CSMD1: variants seen among roughly 807,000 people sequenced by gnomAD.
CSMD1 encodes CUB and sushi domain-containing protein 1.
A neutral mutation model predicts 417.5 loss-of-function variants in CSMD1; 213 were observed. That is an observed-to-expected ratio of 0.51 (90% CI 0.46 to 0.57). The LOEUF (loss-of-function observed/expected upper bound fraction) is 0.57, where lower values mean the gene tolerates loss of function less well. CSMD1 is among the 20% of genes least tolerant of loss of function. The pLI is 0.00. For missense variants in CSMD1, 6,923 were observed against 4,529.7 expected (o/e 1.53, Z -15.17); for synonymous variants, 2,862 against 1,736.8 (o/e 1.65, Z -16.11).
chr8:4,095,454 G>A (rs965227098), intron 3 of CSMD1, among the ~76,000 whole-genome samples: 1 of 152,074 alleles, frequency 6.6e-6, no homozygotes, highest in African/African-American at 2.4e-5. Context: ...CTTGCAATTT[G>A]AGCATTTTGT....
chr8:3,382,021 G>A (rs1290623127), intron 18 of CSMD1, among the ~76,000 whole-genome samples: 1 of 152,108 alleles, frequency 6.6e-6, no homozygotes, highest in Non-Finnish European at 1.5e-5. Flanking sequence ...ACTTTGGGAG[G>A]CCGAGGCAGG....
intron 10 of CSMD1, among the ~76,000 whole-genome samples, chr8:3,548,018 T>A (rs890337162): frequency 1.3e-5 from 2 of 152,186 alleles, no homozygotes; most frequent in Non-Finnish European, 2.9e-5. Flanking sequence ...AATGAGTTTA[T>A]AAACTTCCTG....
At chr8:4,883,111 T>G (rs1444052662) in intron 1 of CSMD1, among the ~76,000 whole-genome samples, 1 of 152,056 alleles carries the variant, frequency 6.6e-6, no homozygotes, top group East Asian at 1.9e-4. Flanking sequence ...GATTTTATAG[T>G]AAGGTGGAAA....
chr8:3,690,883 T>A (rs1800199084), intron 7 of CSMD1, among the ~76,000 whole-genome samples: 1 of 152,212 alleles, frequency 6.6e-6, no homozygotes, highest in Admixed American at 6.5e-5. Flanking sequence ...TTTCATTTAA[T>A]GTATAAATAA....
chr8:3,961,972 G>A (rs1256660171), intron 5 of CSMD1, among the ~76,000 whole-genome samples: 2 of 152,178 alleles, frequency 1.3e-5, no homozygotes, highest in African/African-American at 2.4e-5. Flanking sequence ...GAAAAGCAAT[G>A]CAGCAAAACA....
At chr8:3,789,070 A>C (rs1366996135) in intron 5 of CSMD1, among the ~76,000 whole-genome samples, 1 of 152,194 alleles carries the variant, frequency 6.6e-6, no homozygotes, top group Non-Finnish European at 1.5e-5. Flanking sequence ...TTCATATGCT[A>C]AACCTAAGCA....
At chr8:4,888,132 A>C (rs984645219) in intron 1 of CSMD1, among the ~76,000 whole-genome samples, 9 of 152,176 alleles carry the variant, frequency 5.9e-5, no homozygotes, top group African/African-American at 2.2e-4. Flanking sequence ...AATAATCTAA[A>C]TGCCATATAT....
In CSMD1 at chr8:3,831,928, G is replaced by A. The variant is rs150821091; in HGVS notation, c.819-77886C>T. Among the ~76,000 whole-genome samples the A allele has an allele frequency of 3.9e-3, 591 of 152,208 alleles. 5 individuals carry two copies. Among genetic ancestry groups the A allele is most frequent in the African/African-American group, 0.014 (565 of 41,544 alleles). The stretch of plus-strand genomic sequence containing the variant: ...ATCAAGACTTTTAAAATACCCCCCA[G>A]AGATTAGTCCTGGAAAGTTTGCAGA... On this transcript the variant is annotated intron_variant, in intron 5 of 69. Coordinates refer to ENST00000635120, the MANE Select transcript of CSMD1 (RefSeq NM_033225.6).
chr8:3,485,005 T>C (rs912640603), intron 11 of CSMD1, among the ~76,000 whole-genome samples: 9 of 152,102 alleles, frequency 5.9e-5, no homozygotes, highest in African/African-American at 1.9e-4. Flanking sequence ...AGCTGAGCAG[T>C]TTCCTACAAA....
chr8:4,669,536 A>C (rs926402633), intron 1 of CSMD1, among the ~76,000 whole-genome samples: 1 of 152,190 alleles, frequency 6.6e-6, no homozygotes, highest in Non-Finnish European at 1.5e-5. Context: ...GACACATATC[A>C]ATGAGAATTT....
At chr8:4,464,475 T>G (rs1192146357) in intron 2 of CSMD1, among the ~76,000 whole-genome samples, 3 of 152,226 alleles carry the variant, frequency 2.0e-5, no homozygotes, top group Non-Finnish European at 2.9e-5. Flanking sequence ...GAAAACCACC[T>G]AAGTCAAAGC....
chr8:3,175,483 T>TCCTGCCTGCCTGCCTGCCTGCCTG (rs67818519), intron 37 of CSMD1, among the ~76,000 whole-genome samples: 14 of 121,664 alleles, frequency 1.2e-4, no homozygotes, highest in East Asian at 5.5e-4. Flanking sequence ...TTCCCTTCCT[T>TCCTGCCTGCCTGCCTGCCTGCCTG]CCTGCCTGCC....
At chr8:3,833,795 G>C (rs537947507) in intron 5 of CSMD1, among the ~76,000 whole-genome samples, 1 of 152,104 alleles carries the variant, frequency 6.6e-6, no homozygotes, top group African/African-American at 2.4e-5. Context: ...TTGGAAAAGA[G>C]AGGCTCATTA....
At chr8:2,997,428 C>G (rs944722974) in intron 54 of CSMD1, among the ~76,000 whole-genome samples, 2 of 152,180 alleles carry the variant, frequency 1.3e-5, no homozygotes, top group Admixed American at 6.5e-5. Flanking sequence ...TCAATTTCAT[C>G]TTAATACCAT....
chr8:4,918,125 GC>G (rs1563761818), intron 1 of CSMD1, among the ~76,000 whole-genome samples: 1 of 152,084 alleles, frequency 6.6e-6, no homozygotes, highest in African/African-American at 2.4e-5. Flanking sequence ...TTACAAAACT[GC>G]CCCCTGAAAA....
intron 8 of CSMD1, among the ~76,000 whole-genome samples, chr8:3,609,729 A>G (rs550105750): frequency 2.5e-5 from 2 of 79,898 alleles, no homozygotes; most frequent in African/African-American, 4.1e-5. Flanking sequence ...AGTTTTGATT[A>G]TAAGAATTTA....
chr8:4,396,203 G>A (rs1195171184), intron 3 of CSMD1, among the ~76,000 whole-genome samples: 5 of 151,802 alleles, frequency 3.3e-5, no homozygotes, highest in Admixed American at 6.6e-5. Context: ...AATGACTCAC[G>A]CCAATCCCAG....
At chr8:3,359,921 A>C (rs1393292214) in intron 20 of CSMD1, among the ~76,000 whole-genome samples, 4 of 152,206 alleles carry the variant, frequency 2.6e-5, no homozygotes, top group Non-Finnish European at 5.9e-5. Context: ...TATTAAAATG[A>C]GATAATTCAC....
chr8:3,098,662 T>G (rs1815509524), intron 46 of CSMD1, among the ~76,000 whole-genome samples: 8 of 152,172 alleles, frequency 5.3e-5, no homozygotes, highest in Admixed American at 5.2e-4. Flanking sequence ...CTTTGTAAAA[T>G]ACACGATGCC....
Sources: gnomAD v4.1 joint callset for allele counts (sites outside exome capture counted in the v4.1 genomes callset) on GRCh38, gnomAD v4.1.1 for gene constraint, MANE v1.5 for transcripts, NCBI Gene and HGNC (gene_info 2026-07-23, HGNC 2026-07-21) for gene names.